Variants in GTF2F2 observed in about 807,000 individuals in gnomAD.
The protein encoded by GTF2F2 is general transcription factor IIF subunit 2.
Under a neutral mutation model 42.2 loss-of-function variants are expected in GTF2F2, and 23 were observed. The observed-to-expected ratio is 0.55, with a 90% confidence interval of 0.39 to 0.77. The LOEUF is 0.77. Ranked by LOEUF, GTF2F2 falls within the 30% of genes least tolerant of loss-of-function variation. The pLI is 0.00. For synonymous variants in GTF2F2, 105 were observed against 100.8 expected (o/e 1.04, Z -0.25); for missense variants, 261 against 287.2 (o/e 0.91, Z 0.66).
chr13:45,279,867 T>C (rs1877189168), intron 7 of GTF2F2, among the ~76,000 whole-genome samples: 1 of 152,050 alleles, frequency 6.6e-6, no homozygotes, highest in Non-Finnish European at 1.5e-5. Context: ...ATCATGCCAT[T>C]GCACTCCAGC....
chr13:45,201,202 C>A (rs140545162), intron 4 of GTF2F2, among the ~76,000 whole-genome samples: 42 of 152,196 alleles, frequency 2.8e-4, no homozygotes, highest in Non-Finnish European at 6.0e-4. Flanking sequence ...TATCATTTCT[C>A]CTCAGTTCTT....
chr13:45,228,648 C>T (rs1874500222), intron 5 of GTF2F2, among the ~76,000 whole-genome samples: 1 of 149,056 alleles, frequency 6.7e-6, no homozygotes, highest in Non-Finnish European at 1.5e-5. Flanking sequence ...CCTCATTCTC[C>T]TTATTGCTGC....
In GTF2F2 at chr13:45,207,005, A is replaced by AACACACACACACAC. The variant is rs10547539; in HGVS notation, c.305-394_305-381dup. 3.7e-3 allele frequency: 521 copies of AACACACACACACAC among 139,282 alleles called. 6 individuals are homozygous for AACACACACACACAC. The highest frequency in any genetic ancestry group is 0.011 in the Middle Eastern group (3 of 272). 8.6% of individuals were successfully genotyped at this position (139,282 alleles called of 1,614,324 possible). A position where few individuals can be genotyped will look rare whatever the true frequency, so the allele number is the denominator to read the frequency against. Reference sequence around the variant, plus strand: ...CTTGAGAATTTTATTCACATACACAAACACACACACACACACACACACACA... The same window carrying AACACACACACACAC: ...CTTGAGAATTTTATTCACATACACAAACACACACACACACACACACACACACACACACACACACA... On this transcript the variant is annotated intron_variant, in intron 4 of 7. Coordinates refer to ENST00000340473, the MANE Select transcript of GTF2F2 (RefSeq NM_004128.3).
At chr13:45,164,606 C>T (rs1424926806) in intron 4 of GTF2F2, among the ~76,000 whole-genome samples, 4 of 152,060 alleles carry the variant, frequency 2.6e-5, no homozygotes. Context: ...CACCTGTAGT[C>T]TCAGCTATTT....
intron 5 of GTF2F2, among the ~76,000 whole-genome samples, chr13:45,230,764 C>G (rs1482200642): frequency 6.6e-6 from 1 of 152,136 alleles, no homozygotes; most frequent in Non-Finnish European, 1.5e-5. Flanking sequence ...ATTGTAACAT[C>G]AAAAGGTCAC....
intron 1 of GTF2F2, among the ~76,000 whole-genome samples, chr13:45,131,267 C>T (rs1032994937): frequency 6.6e-6 from 1 of 151,230 alleles, no homozygotes; most frequent in Non-Finnish European, 1.5e-5. Flanking sequence ...GAATCCAGTG[C>T]CCACTGAAGT....
chr13:45,129,480 G>A (rs1869223596), intron 1 of GTF2F2, among the ~76,000 whole-genome samples: 2 of 152,196 alleles, frequency 1.3e-5, no homozygotes, highest in African/African-American at 4.8e-5. Flanking sequence ...AAAGTGCTGG[G>A]ATTACAGGCG....
At chr13:45,247,384 C>T (rs1276838815) in intron 5 of GTF2F2, among the ~76,000 whole-genome samples, 3 of 151,338 alleles carry the variant, frequency 2.0e-5, no homozygotes, top group African/African-American at 4.8e-5. Context: ...TAGACAGATA[C>T]CTGGTTTTTT....
intron 2 of GTF2F2, among the ~76,000 whole-genome samples, chr13:45,142,447 C>T (rs937374811): frequency 2.6e-5 from 4 of 152,150 alleles, no homozygotes; most frequent in Non-Finnish European, 5.9e-5. Context: ...GGATTACAGG[C>T]GTGAGCCACC....
chr13:45,255,810 C>G (rs781282676), intron 6 of GTF2F2, among the ~76,000 whole-genome samples: 4 of 152,174 alleles, frequency 2.6e-5, no homozygotes, highest in African/African-American at 4.8e-5. Context: ...TCTGTGATTT[C>G]TACCCTTGTG....
chr13:45,272,432 A>AT (rs1451807546), intron 7 of GTF2F2, among the ~76,000 whole-genome samples: 2 of 139,978 alleles, frequency 1.4e-5, no homozygotes, highest in Non-Finnish European at 3.0e-5. Flanking sequence ...TTTAAAAAAA[A>AT]AAAAAAAACA....
chr13:45,174,830 T>C (rs190183880), intron 4 of GTF2F2, among the ~76,000 whole-genome samples: 111 of 152,216 alleles, frequency 7.3e-4, no homozygotes, highest in African/African-American at 2.5e-3. Context: ...GATTTTTCTT[T>C]AACACTCAAT....
intron 6 of GTF2F2, among the ~76,000 whole-genome samples, chr13:45,253,782 A>G (rs1875974188): frequency 6.6e-6 from 1 of 152,170 alleles, no homozygotes; most frequent in Non-Finnish European, 1.5e-5. Flanking sequence ...CACATGATAA[A>G]AAGAAAGAAG....
chr13:45,142,284 A>C (rs1196357706), intron 2 of GTF2F2, among the ~76,000 whole-genome samples: 3 of 152,156 alleles, frequency 2.0e-5, no homozygotes, highest in Middle Eastern at 3.2e-3. Flanking sequence ...CTCGTGCCTC[A>C]GCCTCCTGAG....
At chr13:45,273,604 A>G (rs1295098424) in intron 7 of GTF2F2, among the ~76,000 whole-genome samples, 2 of 151,908 alleles carry the variant, frequency 1.3e-5, no homozygotes, top group Non-Finnish European at 2.9e-5. Context: ...CCTTACCAAT[A>G]AAATCTCCAT....
rs1566133778 is a variant in GTF2F2, at chr13:45,202,440, G to GT, written c.305-4984_305-4983insT. Among the ~76,000 whole-genome samples the GT allele has an allele frequency of 9.8e-4, 149 of 151,620 alleles. No homozygotes were observed. The Middle Eastern group carries it at 0.014, about 14-fold the overall frequency. ...TGATCTCTAGCTAGACATCTGAGTG[G>GT]GTGTGTGTGTGTGTGCAAGTACATG... On this transcript the variant is annotated intron_variant, in intron 4 of 7. Transcript: ENST00000340473.
intron 4 of GTF2F2, among the ~76,000 whole-genome samples, chr13:45,191,224 A>AAAAAAAAAAAAATATAT: frequency 8.0e-5 from 6 of 75,342 alleles, no homozygotes; most frequent in African/African-American, 4.0e-4. Flanking sequence ...ACAAAAAAAA[A>AAAAAAAAAAAAATATAT]ATATATATAT....
rs556787676 is a variant in GTF2F2 at position 45,186,263 on chromosome 13, C to T, written c.305-21161C>T. Reference sequence around the variant, plus strand: ...GTGCTGAGATTACAGGCGTGAGCCCCGGCACCTGGCCTATTTTTTTTTTTT... The same window carrying T: ...GTGCTGAGATTACAGGCGTGAGCCCTGGCACCTGGCCTATTTTTTTTTTTT... On this transcript the variant is annotated intron_variant, in intron 4 of 7. Coordinates refer to ENST00000340473, the MANE Select transcript of GTF2F2 (RefSeq NM_004128.3). Among the ~76,000 whole-genome samples the T allele has an allele frequency of 1.2e-3, 184 of 150,606 alleles. 1 individual carries two copies. The highest frequency in any genetic ancestry group is 6.8e-3 in the Middle Eastern group (2 of 292).
intron 7 of GTF2F2, among the ~76,000 whole-genome samples, chr13:45,280,464 A>C (rs1472202056): frequency 6.6e-6 from 1 of 152,180 alleles, no homozygotes; most frequent in Non-Finnish European, 1.5e-5. Context: ...TTATTTGATT[A>C]GAGTAAAATG....
Sources: allele counts gnomAD v4.1 joint callset (sites outside exome capture counted in the v4.1 genomes callset), GRCh38; gene constraint gnomAD v4.1.1; transcripts MANE v1.5; gene names NCBI Gene and HGNC (gene_info 2026-07-23, HGNC 2026-07-21).